Variants in CLEC6A observed in about 807,000 individuals in gnomAD.
CLEC6A encodes the protein C-type lectin domain family 6 member A.
Under a neutral mutation model 25.7 loss-of-function variants are expected in CLEC6A, and 22 were observed. That is an observed-to-expected ratio of 0.85 (90% CI 0.61 to 1.22). The LOEUF (loss-of-function observed/expected upper bound fraction) is 1.22, where lower values mean the gene tolerates loss of function less well. CLEC6A is among the 50% of genes most tolerant of loss of function. The probability of loss-of-function intolerance (pLI) is 0.00; values close to 1 mark genes in which losing one functional copy is unlikely to be tolerated. For synonymous variants in CLEC6A, 92 were observed against 76.7 expected (o/e 1.20, Z -1.04); for missense variants, 240 against 236.8 (o/e 1.01, Z -0.09).
intron 3 of CLEC6A, chr12:8,460,918 G>A: frequency 1.2e-6 from 1 of 852,084 alleles, no homozygotes; most frequent in Non-Finnish European, 2.0e-6. Context: ...CCTTCAGTCT[G>A]TTGCAGAGGA....
intron 5 of CLEC6A, among the ~76,000 whole-genome samples, chr12:8,476,441 C>T (rs1331660332): frequency 6.6e-6 from 1 of 152,056 alleles, no homozygotes; most frequent in Non-Finnish European, 1.5e-5. Flanking sequence ...AATTAAATAA[C>T]TTGCCCCAAA....
chr12:8,460,771 G>A, intron 3 of CLEC6A: 1 of 1,393,812 alleles, frequency 7.2e-7, no homozygotes, highest in Admixed American at 1.7e-5. Context: ...GGGCCGACTG[G>A]GCTACAAGGC....
At chr12:8,471,359 G>A (rs761360588) in intron 4 of CLEC6A, among the ~76,000 whole-genome samples, 2 of 152,008 alleles carry the variant, frequency 1.3e-5, no homozygotes, top group African/African-American at 2.4e-5. Context: ...AGGAGGATTA[G>A]TGTTAATTCT....
intron 4 of CLEC6A, among the ~76,000 whole-genome samples, chr12:8,471,081 A>C (rs1478911685): frequency 6.6e-6 from 1 of 151,996 alleles, no homozygotes; most frequent in Non-Finnish European, 1.5e-5. Flanking sequence ...AATTTTCATA[A>C]TGTGGTTTAT....
At position 8,459,617 on chromosome 12, in the gene CLEC6A, G is replaced by T; in HGVS notation, c.142G>T (p.Gly48Cys). The change falls in exon 3 of 6, where the codon GGT becomes TGT. Residue 48 changes from glycine (G) to cysteine (C), a missense_variant. Physicochemically the swap from Gly to Cys is radical, Grantham distance 159. Coordinates refer to ENST00000382073, the MANE Select transcript of CLEC6A (RefSeq NM_001007033.2). The stretch of plus-strand genomic sequence containing the variant: ...TACAGTAACTTACCATTTTACATAT[G>T]GTGAAACTGGCAAAAGGCTGTCTGA... ...SCVVTYHFTY[G>C]ETGKRLSELH... is the part of the protein sequence containing the mutation. The T allele has an allele frequency of 1.2e-6, 2 of 1,608,970 alleles. No homozygotes were observed. Among genetic ancestry groups the T allele is most frequent in the Non-Finnish European group, 8.5e-7 (1 of 1,175,406 alleles).
At chr12:8,475,248 A>G (rs1336075184) in intron 4 of CLEC6A, among the ~76,000 whole-genome samples, 1 of 151,978 alleles carries the variant, frequency 6.6e-6, no homozygotes, top group African/African-American at 2.4e-5. Context: ...AAGAACCCCA[A>G]TGCAATTTCA....
intron 4 of CLEC6A, among the ~76,000 whole-genome samples, chr12:8,474,653 A>G (rs752435506): frequency 3.9e-5 from 6 of 152,340 alleles, no homozygotes; most frequent in African/African-American, 1.4e-4. Context: ...GCCTCGGGGC[A>G]ATACACAACA....
At chr12:8,469,067 C>T (rs1446340567) in intron 4 of CLEC6A, among the ~76,000 whole-genome samples, 2 of 152,136 alleles carry the variant, frequency 1.3e-5, no homozygotes, top group Non-Finnish European at 2.9e-5. Flanking sequence ...GTTCCTAAAA[C>T]TGATAAATGA....
intron 2 of CLEC6A, among the ~76,000 whole-genome samples, chr12:8,458,865 A>G (rs770129417): frequency 6.6e-6 from 1 of 152,328 alleles, no homozygotes; most frequent in Admixed American, 6.5e-5. Flanking sequence ...AAGGACAAAA[A>G]AGAAATGAGT....
chr12:8,467,539 A>AG (rs397740921), intron 4 of CLEC6A, among the ~76,000 whole-genome samples: 2 of 8,988 alleles, frequency 2.2e-4, no homozygotes, highest in Non-Finnish European at 3.9e-4. Context: ...ATTCTGTTCC[A>AG]TTGGTCTCTA....
chr12:8,461,554 T>C (rs1038156953), intron 3 of CLEC6A, among the ~76,000 whole-genome samples: 7 of 152,234 alleles, frequency 4.6e-5, no homozygotes, highest in Non-Finnish European at 7.3e-5. Flanking sequence ...AGCTGTTCAA[T>C]ACAACTACTT....
chr12:8,463,006 T>A (rs12099687), intron 3 of CLEC6A, among the ~76,000 whole-genome samples: 3,917 of 152,336 alleles, frequency 0.026, 70 homozygotes, highest in Non-Finnish European at 0.041. Context: ...TCTTTTAAAA[T>A]GTATTTACTT....
intron 4 of CLEC6A, among the ~76,000 whole-genome samples, chr12:8,468,537 T>A (rs1034407141): frequency 2.0e-5 from 3 of 152,222 alleles, no homozygotes. Flanking sequence ...AAAGAAGTGA[T>A]GAGATTAGGC....
At chr12:8,463,806 C>T (rs4242891) in intron 3 of CLEC6A, among the ~76,000 whole-genome samples, 117,079 of 151,864 alleles carry the variant, frequency 0.77, 45,561 homozygotes, top group East Asian at 0.99. Context: ...GTGATCAGCT[C>T]ATTATTCTCA....
chr12:8,465,530 C>T lies in CLEC6A; in HGVS notation c.270C>T (p.Cys90=), dbSNP rs1251693564. The change falls in exon 4 of 6, where the codon TGC becomes TGT. Residue 90 remains cysteine (C), a synonymous_variant. Coordinates refer to ENST00000382073, the MANE Select transcript of CLEC6A (RefSeq NM_001007033.2). The part of the protein sequence containing the change: ...PASWKSFGSS[C]YFISSEEKVW... ...CTTGGAAGTCATTTGGTTCCAGTTGCTACTTCATTTCCAGTGAAGAGAAGG... is the reference window on the plus strand; with the variant it reads ...CTTGGAAGTCATTTGGTTCCAGTTGTTACTTCATTTCCAGTGAAGAGAAGG... 1 of 1,613,658 alleles carries T rather than the reference C, an allele frequency of 6.2e-7. No homozygotes were observed. The highest frequency in any genetic ancestry group is 2.2e-5 in the East Asian group (1 of 44,874).
At chr12:8,466,463 A>T (rs1233451943) in intron 4 of CLEC6A, among the ~76,000 whole-genome samples, 1 of 152,130 alleles carries the variant, frequency 6.6e-6, no homozygotes, top group Non-Finnish European at 1.5e-5. Flanking sequence ...GAACCTTCAT[A>T]CTGTTTTCAT....
intron 4 of CLEC6A, among the ~76,000 whole-genome samples, chr12:8,475,207 T>G (rs1206840678): frequency 6.6e-6 from 1 of 152,092 alleles, no homozygotes. Context: ...GAAGAAGTAC[T>G]CAGGGGAGTA....
chr12:8,473,444 A>T lies in CLEC6A; in HGVS notation c.370-2681A>T, dbSNP rs114070724. Among the ~76,000 whole-genome samples, 753 of 152,208 alleles carry T rather than the reference A, an allele frequency of 4.9e-3. 7 individuals carry two copies. The highest frequency in any genetic ancestry group is 0.017 in the African/African-American group (703 of 41,528). On this transcript the variant is annotated intron_variant, in intron 4 of 5. Coordinates refer to ENST00000382073, the MANE Select transcript of CLEC6A (RefSeq NM_001007033.2). ...ATGACTATATAGTATTCCATGGTGT[A>T]TATGTATTATATTTTCTTTATCCAA...
In CLEC6A at chr12:8,459,156, C is replaced by T. The variant is rs369963831; in HGVS notation, c.122-441C>T. Reference sequence around the variant, plus strand: ...TTTATTGATGACTTTGTGACAGTTACCCTTGTAGGTGTTTGTGATTAAAAA... The same window carrying T: ...TTTATTGATGACTTTGTGACAGTTATCCTTGTAGGTGTTTGTGATTAAAAA... On this transcript the variant is annotated intron_variant, in intron 2 of 5. Transcript: ENST00000382073. 1.1e-4 allele frequency among the ~76,000 whole-genome samples: 16 copies of T among 152,106 alleles called. No homozygotes were observed. In the South Asian group the frequency reaches 1.7e-3, roughly 16 times the overall value.
Sources: allele counts gnomAD v4.1 joint callset (sites outside exome capture counted in the v4.1 genomes callset), GRCh38; gene constraint gnomAD v4.1.1; transcripts MANE v1.5; gene names NCBI Gene and HGNC (gene_info 2026-07-23, HGNC 2026-07-21).